GALNT1: variants seen among roughly 807,000 people sequenced by gnomAD.
GALNT1 encodes the protein polypeptide N-acetylgalactosaminyltransferase 1.
In GALNT1, 17 loss-of-function variants were observed where a neutral mutation model predicts 65.7. The ratio of observed to expected loss-of-function variants is 0.26; its 90% CI spans 0.18 to 0.39. The LOEUF (loss-of-function observed/expected upper bound fraction) is 0.39. Ranked by LOEUF, GALNT1 falls within the 10% of genes least tolerant of loss-of-function variation. The pLI is 1.00. For synonymous variants in GALNT1, 210 were observed against 219.7 expected (o/e 0.96, Z 0.39); for missense variants, 460 against 672.8 (o/e 0.68, Z 3.50).
intron 1 of GALNT1, among the ~76,000 whole-genome samples, chr18:35,589,126 G>C (rs1598778250): frequency 6.6e-6 from 1 of 152,294 alleles, no homozygotes; most frequent in East Asian, 1.9e-4. Flanking sequence ...GAAATTAGAA[G>C]TACAGGCTCC....
chr18:35,692,118 T>G (rs1344056831), intron 8 of GALNT1, 63 bp from the exon 9 acceptor site: 2 of 1,400,658 alleles, frequency 1.4e-6, no homozygotes, highest in Non-Finnish European at 2.0e-6. Flanking sequence ...TTAGATTCAA[T>G]ATATAAACAT....
At position 35,678,423 on chromosome 18, in the gene GALNT1, A is replaced by T. The variant is rs190002536; in HGVS notation, c.481+666A>T. Reference sequence around the variant, plus strand: ...CTATTTCATGAAATACTCTTTGGGAAAGGACATATTAATTAATGGTGGCTT... The same window carrying T: ...CTATTTCATGAAATACTCTTTGGGATAGGACATATTAATTAATGGTGGCTT... On this transcript the variant is annotated intron_variant, in intron 4 of 11. Transcript: ENST00000269195. Among the ~76,000 whole-genome samples, 498 of 152,266 alleles carry T rather than the reference A, an allele frequency of 3.3e-3. 11 individuals carry two copies. Among genetic ancestry groups the T allele is most frequent in the Non-Finnish European group, 5.3e-4 (36 of 67,998 alleles).
chr18:35,698,855 C>T (rs1346589914), intron 9 of GALNT1, among the ~76,000 whole-genome samples: 4 of 151,976 alleles, frequency 2.6e-5, no homozygotes, highest in Non-Finnish European at 5.9e-5. Context: ...TGGTGGCAGG[C>T]GCCTGTAATC....
intron 11 of GALNT1, among the ~76,000 whole-genome samples, chr18:35,707,643 A>C (rs1376943972): frequency 6.6e-6 from 1 of 152,224 alleles, no homozygotes; most frequent in Non-Finnish European, 1.5e-5. Context: ...ATTTTAATGA[A>C]TCTAGATGAG....
chr18:35,639,229 G>T (rs1402810012), intron 1 of GALNT1, among the ~76,000 whole-genome samples: 1 of 152,050 alleles, frequency 6.6e-6, no homozygotes, highest in Non-Finnish European at 1.5e-5. Flanking sequence ...CTTCATTTTT[G>T]TCTTATTTTA....
chr18:35,603,530 A>G (rs925954146), intron 1 of GALNT1, among the ~76,000 whole-genome samples: 3 of 152,192 alleles, frequency 2.0e-5, no homozygotes, highest in African/African-American at 7.2e-5. Flanking sequence ...TTTAAATGGT[A>G]GCATCATGTA....
chr18:35,593,198 A>G (rs934104064), intron 1 of GALNT1, among the ~76,000 whole-genome samples: 18 of 152,188 alleles, frequency 1.2e-4, no homozygotes, highest in African/African-American at 4.1e-4. Context: ...TTTCCTCATT[A>G]GGAGGATTAG....
At chr18:35,582,351 T>G (rs550838000) in intron 1 of GALNT1, among the ~76,000 whole-genome samples, 16 of 152,270 alleles carry the variant, frequency 1.1e-4, no homozygotes, top group African/African-American at 3.4e-4. Flanking sequence ...CTTTAGGTAA[T>G]GTAGTAGCTT....
In GALNT1 at chr18:35,709,942, C is replaced by G. The variant is rs1191717276; in HGVS notation, c.*172C>G. ...TCTCTAGCTTTTCACTAGCTGTGAA[C>G]CAGCCTTCCTGTCCATGGACGTGAA... is the stretch of plus-strand genomic sequence containing the variant. On this transcript the variant is annotated 3_prime_UTR_variant, in exon 12 of 12. Coordinates refer to ENST00000269195, the MANE Select transcript of GALNT1 (RefSeq NM_020474.4). The G allele has an allele frequency of 2.9e-6, 2 of 682,912 alleles. No individual in the cohort carries two copies. Among genetic ancestry groups the G allele is most frequent in the Non-Finnish European group, 4.8e-6 (2 of 415,428 alleles). 42.3% of individuals were successfully genotyped at this position (682,912 alleles called of 1,614,324 possible).
chr18:35,703,798 A>G (rs2048208295), intron 11 of GALNT1, among the ~76,000 whole-genome samples, 155 bp downstream of exon 11: 1 of 152,236 alleles, frequency 6.6e-6, no homozygotes. Context: ...AATAAGTAAA[A>G]TAAATGTGTT....
chr18:35,595,421 A>C (rs775443314), intron 1 of GALNT1, among the ~76,000 whole-genome samples: 1 of 152,150 alleles, frequency 6.6e-6, no homozygotes, highest in Non-Finnish European at 1.5e-5. Flanking sequence ...TACTTGCAGT[A>C]CCAACTTTTT....
intron 9 of GALNT1, among the ~76,000 whole-genome samples, chr18:35,702,609 C>T (rs895106410): frequency 2.6e-5 from 4 of 151,698 alleles, no homozygotes; most frequent in Admixed American, 2.6e-4. Context: ...AATCATTAAC[C>T]AAAGTAGAGT....
intron 1 of GALNT1, among the ~76,000 whole-genome samples, chr18:35,619,743 T>C (rs1308191636): frequency 6.6e-6 from 1 of 152,222 alleles, no homozygotes; most frequent in Admixed American, 6.5e-5. Flanking sequence ...AGTGAATTCT[T>C]TATCCACTCT....
intron 1 of GALNT1, among the ~76,000 whole-genome samples, chr18:35,637,441 T>C (rs2047105704): frequency 6.6e-6 from 1 of 152,188 alleles, no homozygotes; most frequent in Admixed American, 6.5e-5. Flanking sequence ...GTTTTAGTAG[T>C]CTGCATAGAT....
At position 35,608,519 on chromosome 18, in the gene GALNT1, G is replaced by T. The variant is rs140386011; in HGVS notation, c.-104+26657G>T. On this transcript the variant is annotated intron_variant, in intron 1 of 11. Transcript: ENST00000269195. ...TCTTGTTTGATTTAATGCCTAATTTGTACCTAGGTTTCTGCTGTACTGATT... is the reference window on the plus strand; with the variant it reads ...TCTTGTTTGATTTAATGCCTAATTTTTACCTAGGTTTCTGCTGTACTGATT... 1.8e-3 allele frequency among the ~76,000 whole-genome samples: 281 copies of T among 152,214 alleles called. 1 individual carries two copies. The highest frequency in any genetic ancestry group is 6.6e-3 in the African/African-American group (273 of 41,540).
intron 3 of GALNT1, among the ~76,000 whole-genome samples, chr18:35,672,972 C>T (rs544917286): frequency 2.0e-5 from 3 of 152,114 alleles, no homozygotes; most frequent in East Asian, 3.9e-4. Flanking sequence ...TAGTAAGTGA[C>T]GCAAGTGAAA....
intron 9 of GALNT1, among the ~76,000 whole-genome samples, chr18:35,698,959 G>A (rs1659948969): frequency 6.6e-6 from 1 of 152,134 alleles, no homozygotes; most frequent in Non-Finnish European, 1.5e-5. Flanking sequence ...TGCAGCCTGG[G>A]CGACAGAGTG....
At chr18:35,603,016 T>G (rs1210193351) in intron 1 of GALNT1, among the ~76,000 whole-genome samples, 1 of 152,238 alleles carries the variant, frequency 6.6e-6, no homozygotes, top group Non-Finnish European at 1.5e-5. Context: ...TCTTTGCAGT[T>G]GACTGTAATT....
intron 1 of GALNT1, among the ~76,000 whole-genome samples, chr18:35,644,846 C>T (rs1598793564): frequency 6.6e-6 from 1 of 151,978 alleles, no homozygotes; most frequent in Non-Finnish European, 1.5e-5. Flanking sequence ...CAAAAATTAG[C>T]TAGGCATGGT....
Sources: allele counts gnomAD v4.1 joint callset (sites outside exome capture counted in the v4.1 genomes callset), GRCh38; gene constraint gnomAD v4.1.1; transcripts MANE v1.5; gene names NCBI Gene and HGNC (gene_info 2026-07-23, HGNC 2026-07-21).